Variants in PMS1 observed in about 807,000 individuals in gnomAD.
The protein encoded by PMS1 is PMS1 protein homolog 1.
In PMS1, 79 loss-of-function variants were observed where a neutral mutation model predicts 93.1. The ratio of observed to expected loss-of-function variants is 0.85; its 90% CI spans 0.71 to 1.02. The LOEUF is 1.02. Ranked by LOEUF, PMS1 falls within the 50% of genes least tolerant of loss-of-function variation. The pLI is 0.00. For missense variants in PMS1, 1,064 were observed against 1,085.3 expected (o/e 0.98, Z 0.28); for synonymous variants, 335 against 363.4 (o/e 0.92, Z 0.89).
chr2:189,811,574 A>G (rs2050849911), intron 4 of PMS1, among the ~76,000 whole-genome samples: 3 of 152,158 alleles, frequency 2.0e-5, no homozygotes, highest in Non-Finnish European at 2.9e-5. Flanking sequence ...AGCCTGGGCA[A>G]CAGAGTGAGA....
chr2:189,834,590 T>C (rs891671701), intron 5 of PMS1, among the ~76,000 whole-genome samples: 1 of 152,246 alleles, frequency 6.6e-6, no homozygotes, highest in Non-Finnish European at 1.5e-5. Context: ...ATATTTCCGA[T>C]GTAAATAAGA....
At chr2:189,876,881 G>C (rs1012051174) in intron 12 of PMS1, among the ~76,000 whole-genome samples, 2 of 150,860 alleles carry the variant, frequency 1.3e-5, no homozygotes, top group Non-Finnish European at 2.9e-5. Context: ...AAAGTGTTGA[G>C]ATTACAGGCC....
At chr2:189,833,267 A>C (rs1258890340) in intron 5 of PMS1, among the ~76,000 whole-genome samples, 1 of 152,160 alleles carries the variant, frequency 6.6e-6, no homozygotes, top group Non-Finnish European at 1.5e-5. Flanking sequence ...TTTGCTTTCC[A>C]TTAGTTATTT....
chr2:189,804,976 A>C (rs2050208912), intron 3 of PMS1, among the ~76,000 whole-genome samples: 1 of 152,116 alleles, frequency 6.6e-6, no homozygotes, highest in South Asian at 2.1e-4. Flanking sequence ...TAGAAAGCTG[A>C]GGATGAAGCT....
In PMS1 at chr2:189,867,929, G is replaced by A; in HGVS notation, c.2473G>A (p.Gly825Arg). 1 of 1,608,266 alleles carries A rather than the reference G, an allele frequency of 6.2e-7. No individual in the cohort carries two copies. The highest frequency in any genetic ancestry group is 1.1e-5 in the South Asian group (1 of 90,958). Residue 825 changes from glycine to arginine, a missense_variant and splice_region_variant, in exon 11 of 13, where the codon GGA (glycine) becomes AGA (arginine). Gly to Arg is a moderately radical substitution (Grantham distance 125). Coordinates refer to ENST00000441310, the MANE Select transcript of PMS1 (RefSeq NM_000534.5). ...ANGFKIKLIPGVSITENYLEI... is the reference protein window; with the variant it reads ...ANGFKIKLIPRVSITENYLEI... Reference sequence around the variant, plus strand: ...TGGTTTCAAGATAAAATTGATACCAGGTATGATAGTGTGGTTTAATATTTT... The same window carrying A: ...TGGTTTCAAGATAAAATTGATACCAAGTATGATAGTGTGGTTTAATATTTT...
chr2:189,837,156 A>C (rs1397595944), intron 5 of PMS1, among the ~76,000 whole-genome samples: 1 of 150,856 alleles, frequency 6.6e-6, no homozygotes, highest in Non-Finnish European at 1.5e-5. Context: ...TTTGTGAATA[A>C]GTTTGGTGTT....
At chr2:189,798,752 A>G (rs375661266) in intron 3 of PMS1, among the ~76,000 whole-genome samples, 3 of 113,928 alleles carry the variant, frequency 2.6e-5, no homozygotes, top group African/African-American at 1.1e-4. Context: ...GAGCATAAGT[A>G]TTTGATTTTT....
intron 6 of PMS1, among the ~76,000 whole-genome samples, chr2:189,844,825 T>A (rs2054122554): frequency 6.6e-6 from 1 of 151,774 alleles, no homozygotes; most frequent in South Asian, 2.1e-4. Context: ...AATAGTTTTA[T>A]ATTTTCAAGC....
At chr2:189,802,518 C>G (rs888437821) in intron 3 of PMS1, among the ~76,000 whole-genome samples, 3 of 152,080 alleles carry the variant, frequency 2.0e-5, no homozygotes, top group Non-Finnish European at 4.4e-5. Context: ...TTAAGTGGAC[C>G]TGCACAGTTC....
intron 3 of PMS1, among the ~76,000 whole-genome samples, chr2:189,796,275 T>C (rs1392837729): frequency 3.3e-5 from 5 of 152,112 alleles, no homozygotes; most frequent in Non-Finnish European, 7.4e-5. Context: ...GGAGAATTGC[T>C]TGAACCCGGG....
At position 189,877,385 on chromosome 2, in the gene PMS1, T is replaced by G; in HGVS notation, c.2748T>G (p.Val916=). ...TTGGAAATGAAATTAAAGAGTGTGT[T>G]CATGGTCGCCCATTTTTTCATCATT... ...HQFGNEIKEC[V]HGRPFFHHLT... is the part of the protein sequence containing the mutation. The change falls in exon 13 of 13, where the codon GTT becomes GTG. Residue 916 remains valine (V), a synonymous_variant. Transcript: ENST00000441310. 1 of 1,613,484 alleles carries G rather than the reference T, an allele frequency of 6.2e-7. No homozygotes were observed. Among genetic ancestry groups the G allele is most frequent in the Non-Finnish European group, 8.5e-7 (1 of 1,179,450 alleles).
intron 11 of PMS1, 88 bp downstream of exon 11, chr2:189,868,017 G>T: frequency 8.7e-7 from 1 of 1,144,562 alleles, no homozygotes; most frequent in Non-Finnish European, 1.3e-6. Flanking sequence ...TTACAGATAT[G>T]GTGGTATATT....
intron 5 of PMS1, among the ~76,000 whole-genome samples, chr2:189,822,645 AGAGTAG>A (rs2052034315): frequency 6.6e-6 from 1 of 152,214 alleles, no homozygotes; most frequent in Non-Finnish European, 1.5e-5. Flanking sequence ...TAAGAGAGTA[AGAGTAG>A]AAGATGTTGT....
rs201037567 is a variant in PMS1 at position 189,871,314 on chromosome 2, TA to T, written c.2474-2171del. Among the ~76,000 whole-genome samples the T allele has an allele frequency of 6.5e-3, 958 of 148,270 alleles. 19 individuals are homozygous for T. In the East Asian group the frequency reaches 0.074, roughly 11 times the overall value. On this transcript the variant is annotated intron_variant, in intron 11 of 12. Transcript: ENST00000441310. ...AACACTAATAATAGCTCATGAGCTT[TA>T]AAAAAAAAAATTGCAGAAAAAATCT...
Position 189,874,001 on chromosome 2 carries a change from G to A in PMS1, c.2634+345G>A, listed in dbSNP as rs1461334621. 2.6e-5 allele frequency among the ~76,000 whole-genome samples: 4 copies of A among 151,990 alleles called. No homozygotes were observed. The South Asian group carries it at 8.3e-4, about 31-fold the overall frequency. On this transcript the variant is annotated intron_variant, in intron 12 of 12. Transcript: ENST00000441310. ...TCTATATATAGAGGTATTATAGATTGGCCAGACTTTAAGATACTTATTTCT... is the reference window on the plus strand; with the variant it reads ...TCTATATATAGAGGTATTATAGATTAGCCAGACTTTAAGATACTTATTTCT...
chr2:189,845,348 G>A (rs150189114), intron 6 of PMS1, among the ~76,000 whole-genome samples: 12 of 152,036 alleles, frequency 7.9e-5, no homozygotes, highest in African/African-American at 2.7e-4. Flanking sequence ...TATTCCTAGA[G>A]CCCTGATTAA....
intron 4 of PMS1, among the ~76,000 whole-genome samples, chr2:189,813,437 A>G (rs1317783802): frequency 6.6e-6 from 1 of 152,166 alleles, no homozygotes; most frequent in Non-Finnish European, 1.5e-5. Flanking sequence ...TCTAAGATGC[A>G]CATTTTGTCA....
chr2:189,854,163 T>G, intron 8 of PMS1, 76 bp from the exon 9 acceptor site: 1 of 1,368,354 alleles, frequency 7.3e-7, no homozygotes, highest in African/African-American at 1.5e-5. Flanking sequence ...TTGTTTATAT[T>G]TATCTTTTTT....
chr2:189,836,263 G>T (rs2053376470), intron 5 of PMS1, among the ~76,000 whole-genome samples: 1 of 152,128 alleles, frequency 6.6e-6, no homozygotes, highest in African/African-American at 2.4e-5. Context: ...GATATATTTG[G>T]CTAACTTCAA....
Sources: gnomAD v4.1 joint callset for allele counts (sites outside exome capture counted in the v4.1 genomes callset) on GRCh38, gnomAD v4.1.1 for gene constraint, MANE v1.5 for transcripts, NCBI Gene and HGNC (gene_info 2026-07-23, HGNC 2026-07-21) for gene names.